Variants in FARS2 observed in about 807,000 individuals in gnomAD.
FARS2 encodes phenylalanine--tRNA ligase, mitochondrial.
A neutral mutation model predicts 46.4 loss-of-function variants in FARS2; 40 were observed. The observed-to-expected ratio is 0.86, with a 90% confidence interval of 0.67 to 1.12. The LOEUF (loss-of-function observed/expected upper bound fraction) is 1.12, where lower values mean the gene tolerates loss of function less well. Ranked by LOEUF, FARS2 falls within the 50% of genes most tolerant of loss-of-function variation. FARS2 has a pLI of 0.00. For synonymous variants in FARS2, 234 were observed against 214.9 expected (o/e 1.09, Z -0.78); for missense variants, 513 against 567.9 (o/e 0.90, Z 0.98).
chr6:5,633,425 G>A (rs550088384), intron 6 of FARS2, among the ~76,000 whole-genome samples: 4 of 151,710 alleles, frequency 2.6e-5, no homozygotes, highest in African/African-American at 7.3e-5. Context: ...ACAAACATGC[G>A]CCACCACACC....
chr6:5,461,461 A>G (rs1196415043), intron 4 of FARS2, among the ~76,000 whole-genome samples: 1 of 152,202 alleles, frequency 6.6e-6, no homozygotes, highest in African/African-American at 2.4e-5. Flanking sequence ...TAGTAAATTT[A>G]TAGAGTTTTC....
intron 4 of FARS2, among the ~76,000 whole-genome samples, chr6:5,516,824 C>A (rs1183234697): frequency 6.6e-6 from 1 of 152,172 alleles, no homozygotes; most frequent in South Asian, 2.1e-4. Flanking sequence ...GGAACCCCCC[C>A]AATTTAAGTT....
chr6:5,461,196 G>T (rs935845454), intron 4 of FARS2, among the ~76,000 whole-genome samples: 3 of 151,878 alleles, frequency 2.0e-5, no homozygotes, highest in Non-Finnish European at 4.4e-5. Context: ...GCACCATCAC[G>T]CCTGGCTAAT....
chr6:5,708,890 C>T (rs1758930897), intron 6 of FARS2, among the ~76,000 whole-genome samples: 1 of 152,102 alleles, frequency 6.6e-6, no homozygotes, highest in Non-Finnish European at 1.5e-5. Flanking sequence ...TCTTGAAATC[C>T]TAGCCTCAAG....
At chr6:5,711,081 C>T (rs1759116396) in intron 6 of FARS2, among the ~76,000 whole-genome samples, 1 of 152,036 alleles carries the variant, frequency 6.6e-6, no homozygotes, top group Admixed American at 6.5e-5. Context: ...ACAAATATCT[C>T]ATAATGCCAG....
chr6:5,535,911 T>C (rs1770163570), intron 4 of FARS2, among the ~76,000 whole-genome samples: 1 of 152,210 alleles, frequency 6.6e-6, no homozygotes, highest in African/African-American at 2.4e-5. Flanking sequence ...ATGATCCTTT[T>C]AATGTGCTAC....
chr6:5,541,851 A>G (rs1304852809), intron 4 of FARS2, among the ~76,000 whole-genome samples: 1 of 152,208 alleles, frequency 6.6e-6, no homozygotes, highest in African/African-American at 2.4e-5. Flanking sequence ...ATTATATGCT[A>G]AACAAGAGGT....
At chr6:5,493,609 C>T (rs566433365) in intron 4 of FARS2, among the ~76,000 whole-genome samples, 201 of 152,264 alleles carry the variant, frequency 1.3e-3, no homozygotes, top group Non-Finnish European at 2.3e-3. Context: ...TGCCAACTAG[C>T]TCTGCGACAT....
intron 4 of FARS2, among the ~76,000 whole-genome samples, chr6:5,537,663 G>T (rs1017611096): frequency 5.9e-5 from 9 of 152,232 alleles, no homozygotes; most frequent in Non-Finnish European, 4.4e-5. Context: ...GCCACATGCA[G>T]AAGCACTGTG....
At chr6:5,449,297 C>G (rs1432184564) in intron 4 of FARS2, among the ~76,000 whole-genome samples, 1 of 131,922 alleles carries the variant, frequency 7.6e-6, no homozygotes, top group African/African-American at 2.9e-5. Flanking sequence ...TGCAGTGAGC[C>G]AAGACTTTGC....
At chr6:5,618,111 A>G (rs891966468) in intron 6 of FARS2, among the ~76,000 whole-genome samples, 2 of 152,214 alleles carry the variant, frequency 1.3e-5, no homozygotes, top group Admixed American at 6.5e-5. Flanking sequence ...TTGTGTTCCA[A>G]TGAAGCTTTG....
chr6:5,379,393 A>G (rs1421962817), intron 2 of FARS2, among the ~76,000 whole-genome samples: 1 of 152,236 alleles, frequency 6.6e-6, no homozygotes, highest in Non-Finnish European at 1.5e-5. Context: ...CAAGGAAAGC[A>G]TAATGTAAAG....
intron 6 of FARS2, among the ~76,000 whole-genome samples, chr6:5,620,907 T>A (rs1258037556): frequency 6.6e-6 from 1 of 152,290 alleles, no homozygotes; most frequent in Non-Finnish European, 1.5e-5. Flanking sequence ...GTAGGTTTAC[T>A]GTTCTTACAC....
At chr6:5,506,268 C>T (rs1484162186) in intron 4 of FARS2, among the ~76,000 whole-genome samples, 1 of 152,148 alleles carries the variant, frequency 6.6e-6, no homozygotes, top group Non-Finnish European at 1.5e-5. Flanking sequence ...GTACTGAGCT[C>T]CTAGCGGGAC....
At chr6:5,718,020 T>C (rs1759642538) in intron 6 of FARS2, among the ~76,000 whole-genome samples, 1 of 151,740 alleles carries the variant, frequency 6.6e-6, no homozygotes, top group South Asian at 2.1e-4. Context: ...GTTCAAGTGA[T>C]TCTCAAACCT....
chr6:5,640,218 G>A (rs1019398829), intron 6 of FARS2, among the ~76,000 whole-genome samples: 7 of 151,948 alleles, frequency 4.6e-5, no homozygotes, highest in African/African-American at 1.7e-4. Context: ...ACACGTACTT[G>A]CACATGCCAT....
chr6:5,388,225 C>A (rs10498667), intron 2 of FARS2, among the ~76,000 whole-genome samples: 1 of 151,964 alleles, frequency 6.6e-6, no homozygotes, highest in Non-Finnish European at 1.5e-5. Flanking sequence ...TATCTTAAAC[C>A]CTATGTCTTC....
chr6:5,364,175 C>T (rs917251921), intron 1 of FARS2, among the ~76,000 whole-genome samples: 1 of 152,104 alleles, frequency 6.6e-6, no homozygotes, highest in African/African-American at 2.4e-5. Context: ...GCTCATCTTA[C>T]CCGTTACACA....
At chr6:5,602,919 G>A (rs1295382441) in intron 5 of FARS2, among the ~76,000 whole-genome samples, 3 of 152,074 alleles carry the variant, frequency 2.0e-5, no homozygotes, top group Non-Finnish European at 2.9e-5. Flanking sequence ...ACACTATGAC[G>A]TCTGGGCTTT....
Sources: allele counts gnomAD v4.1 joint callset (sites outside exome capture counted in the v4.1 genomes callset), GRCh38; gene constraint gnomAD v4.1.1; transcripts MANE v1.5; gene names NCBI Gene and HGNC (gene_info 2026-07-23, HGNC 2026-07-21).